CCDC60: variants seen among roughly 807,000 people sequenced by gnomAD.
The protein encoded by CCDC60 is coiled-coil domain-containing protein 60.
CCDC60 carries 54 observed loss-of-function variants against 63.5 expected under a neutral mutation model. The ratio of observed to expected loss-of-function variants is 0.85; its 90% CI spans 0.68 to 1.07. The LOEUF is 1.07. CCDC60 is among the 50% of genes least tolerant of loss of function. The probability of loss-of-function intolerance (pLI) is 0.00; values close to 1 mark genes in which losing one functional copy is unlikely to be tolerated. For missense variants in CCDC60, 651 were observed against 684.3 expected, an observed-to-expected ratio of 0.95 and a Z score of 0.54; for synonymous variants, 206 against 238.8, an observed-to-expected ratio of 0.86 and a Z score of 1.27.
At chr12:119,389,010 C>A (rs1399086542) in intron 1 of CCDC60, among the ~76,000 whole-genome samples, 1 of 152,202 alleles carries the variant, frequency 6.6e-6, no homozygotes, top group Non-Finnish European at 1.5e-5. Context: ...CTCTCTGAGT[C>A]TTACTTCACT....
intron 1 of CCDC60, among the ~76,000 whole-genome samples, chr12:119,344,987 G>A (rs761735118): frequency 1.5e-4 from 23 of 151,518 alleles, no homozygotes; most frequent in Non-Finnish European, 2.6e-4. Flanking sequence ...CAGGTCACAC[G>A]CTTCTTTTGC....
At chr12:119,360,329 C>A (rs977896115) in intron 1 of CCDC60, among the ~76,000 whole-genome samples, 1 of 147,690 alleles carries the variant, frequency 6.8e-6, no homozygotes, top group African/African-American at 2.5e-5. Flanking sequence ...GGGCGGCTGG[C>A]CAGGCGGGGG....
At chr12:119,524,716 CTTTTCTTTT>C (rs971922731) in intron 11 of CCDC60, among the ~76,000 whole-genome samples, 4 of 90,594 alleles carry the variant, frequency 4.4e-5, no homozygotes, top group African/African-American at 2.1e-4. Flanking sequence ...CTTTTCTTTT[CTTTTCTTTT>C]TTTTTTTTTT....
chr12:119,385,400 A>G (rs1160256317), intron 1 of CCDC60, among the ~76,000 whole-genome samples: 3 of 152,184 alleles, frequency 2.0e-5, no homozygotes, highest in Non-Finnish European at 4.4e-5. Context: ...GATGGAAGAT[A>G]ATTGAATCAT....
At chr12:119,339,333 A>C (rs191921948) in intron 1 of CCDC60, among the ~76,000 whole-genome samples, 2 of 152,354 alleles carry the variant, frequency 1.3e-5, no homozygotes, top group East Asian at 3.9e-4. Flanking sequence ...AAAGGTTTGC[A>C]ATCCTTTATA....
chr12:119,478,699 C>G (rs982953950), intron 3 of CCDC60, among the ~76,000 whole-genome samples: 3 of 151,382 alleles, frequency 2.0e-5, no homozygotes, highest in African/African-American at 7.3e-5. Flanking sequence ...CCTCTGCCTC[C>G]CGGGTTCAAG....
intron 1 of CCDC60, among the ~76,000 whole-genome samples, chr12:119,346,736 A>G (rs1327205519): frequency 1.4e-5 from 2 of 141,970 alleles, no homozygotes; most frequent in South Asian, 4.4e-4. Flanking sequence ...TGAGAAGAAG[A>G]GGGAGAAAAA....
intron 7 of CCDC60, among the ~76,000 whole-genome samples, chr12:119,507,503 C>A (rs1313725871): frequency 7.6e-6 from 1 of 131,104 alleles, no homozygotes; most frequent in Admixed American, 8.0e-5. Flanking sequence ...TACATATATA[C>A]ACACATATAT....
intron 1 of CCDC60, among the ~76,000 whole-genome samples, chr12:119,418,007 T>C (rs893875817): frequency 2.0e-5 from 3 of 152,158 alleles, no homozygotes; most frequent in Non-Finnish European, 4.4e-5. Context: ...TTCCCTAACT[T>C]GTAAAAGATT....
At chr12:119,430,606 G>T (rs1041341328) in intron 2 of CCDC60, among the ~76,000 whole-genome samples, 3 of 148,596 alleles carry the variant, frequency 2.0e-5, no homozygotes, top group Non-Finnish European at 4.4e-5. Flanking sequence ...GGCGGAACTT[G>T]CTTTGAGCCG....
chr12:119,453,832 AGAG>A (rs559948259), intron 2 of CCDC60, among the ~76,000 whole-genome samples: 4 of 152,180 alleles, frequency 2.6e-5, no homozygotes, highest in South Asian at 2.1e-4. Context: ...AGGAAGAGGA[AGAG>A]GAGGAGGAGG....
intron 2 of CCDC60, among the ~76,000 whole-genome samples, chr12:119,458,730 G>GTTTTGT (rs571350129): frequency 0.016 from 2,419 of 151,380 alleles, 59 homozygotes; most frequent in African/African-American, 0.052. Context: ...AGAGAGATTT[G>GTTTTGT]TTTTGTTTTT....
At chr12:119,469,040 C>A (rs1951007194) in intron 2 of CCDC60, among the ~76,000 whole-genome samples, 1 of 151,654 alleles carries the variant, frequency 6.6e-6, no homozygotes. Context: ...CTGTTCAAAC[C>A]AAAAGGAAAA....
intron 1 of CCDC60, among the ~76,000 whole-genome samples, chr12:119,380,213 G>A (rs147806237): frequency 6.6e-6 from 1 of 152,186 alleles, no homozygotes; most frequent in Admixed American, 6.5e-5. Context: ...GACAACCACA[G>A]TTGGGTGGGA....
intron 1 of CCDC60, among the ~76,000 whole-genome samples, chr12:119,398,958 TG>T (rs1956337173): frequency 1.3e-5 from 2 of 152,242 alleles, no homozygotes; most frequent in Admixed American, 6.5e-5. Context: ...GGCAATATTA[TG>T]AATGTCTCCT....
At chr12:119,403,403 T>G (rs1327897117) in intron 1 of CCDC60, among the ~76,000 whole-genome samples, 2 of 152,174 alleles carry the variant, frequency 1.3e-5, no homozygotes, top group East Asian at 3.9e-4. Flanking sequence ...ACCGTCTAGC[T>G]GCCAGTCTGC....
intron 2 of CCDC60, among the ~76,000 whole-genome samples, chr12:119,438,144 C>T (rs1452234330): frequency 6.6e-6 from 1 of 152,164 alleles, no homozygotes; most frequent in Non-Finnish European, 1.5e-5. Flanking sequence ...CTTCATGTAT[C>T]TTTGACACCT....
chr12:119,500,529 C>G (rs966543275), intron 6 of CCDC60, among the ~76,000 whole-genome samples: 1 of 145,772 alleles, frequency 6.9e-6, no homozygotes, highest in Non-Finnish European at 1.5e-5. Context: ...CCTCCCTCAC[C>G]GCCCCCCACC....
chr12:119,382,819 G>A (rs1251866367), intron 1 of CCDC60, among the ~76,000 whole-genome samples: 2 of 152,066 alleles, frequency 1.3e-5, no homozygotes, highest in Non-Finnish European at 2.9e-5. Context: ...CAAACATGCC[G>A]GGCCACCAAG....
Sources: allele counts gnomAD v4.1 joint callset (sites outside exome capture counted in the v4.1 genomes callset), GRCh38; gene constraint gnomAD v4.1.1; transcripts MANE v1.5; gene names NCBI Gene and HGNC (gene_info 2026-07-23, HGNC 2026-07-21).